The following PDE2A variants were observed in gnomAD, a reference collection of about 807,000 sequenced individuals.
The protein encoded by PDE2A is cGMP-dependent 3',5'-cyclic phosphodiesterase.
A neutral mutation model predicts 133.6 loss-of-function variants in PDE2A; 53 were observed. The ratio of observed to expected loss-of-function variants is 0.40; its 90% CI spans 0.32 to 0.50. PDE2A has a LOEUF of 0.50. Ranked by LOEUF, PDE2A falls within the 20% of genes least tolerant of loss-of-function variation. The probability of loss-of-function intolerance (pLI) is 0.73; values close to 1 mark genes in which losing one functional copy is unlikely to be tolerated. For synonymous variants in PDE2A, 491 were observed against 490.2 expected (o/e 1.00, Z -0.02); for missense variants, 796 against 1,232.4 (o/e 0.65, Z 5.30).
chr11:72,661,703 G>C (rs949375995), intron 1 of PDE2A, among the ~76,000 whole-genome samples: 2 of 152,246 alleles, frequency 1.3e-5, no homozygotes, highest in Non-Finnish European at 2.9e-5. Flanking sequence ...CCAGAGGCGA[G>C]AGACGCTGCA....
At chr11:72,643,591 T>G (rs1484099766) in intron 1 of PDE2A, 2 of 152,430 alleles carry the variant, frequency 1.3e-5, no homozygotes, top group Non-Finnish European at 2.9e-5. Context: ...GGCCCCTCTC[T>G]CTGCAGCTCC....
chr11:72,648,963 G>A (rs11604837), intron 1 of PDE2A, among the ~76,000 whole-genome samples: 18,523 of 152,128 alleles, frequency 0.12, 1,485 homozygotes, highest in South Asian at 0.23. Flanking sequence ...CCTCCTCTTC[G>A]ATGCCCACAC....
intron 6 of PDE2A, 24 bp from the exon 7 acceptor site, chr11:72,591,380 T>C (rs767148606): frequency 2.5e-6 from 4 of 1,595,896 alleles, no homozygotes; most frequent in Non-Finnish European, 3.4e-6. Flanking sequence ...AGAAGGGAAC[T>C]AGCTGTGACC....
In PDE2A at chr11:72,589,772, G is replaced by A; in HGVS notation, c.852C>T (p.Leu284=). 6 of 1,613,834 alleles carry A rather than the reference G, an allele frequency of 3.7e-6. 1 individual carries two copies. In the East Asian group the frequency reaches 6.7e-5, roughly 18 times the overall value. ...LSCKVIGDKV[L]GEEVSFPLTG... is the part of the protein sequence containing the mutation. ...TCACGGGAAAGCTGACCTCTTCCCCGAGCACTTTGTCTCCGATGACCTGAG... is the reference window on the plus strand; with the variant it reads ...TCACGGGAAAGCTGACCTCTTCCCCAAGCACTTTGTCTCCGATGACCTGAG... Residue 284 remains leucine, a synonymous_variant, in exon 11 of 31, where the codon CTC becomes CTT. Coordinates refer to ENST00000334456, the MANE Select transcript of PDE2A (RefSeq NM_002599.5).
chr11:72,630,346 C>T (rs1376379539), intron 2 of PDE2A, among the ~76,000 whole-genome samples: 1 of 152,054 alleles, frequency 6.6e-6, no homozygotes, highest in African/African-American at 2.4e-5. Context: ...GGGCGACAGA[C>T]AGCAGAGCGC....
intron 25 of PDE2A, 76 bp downstream of exon 25, chr11:72,580,498 TAGG>T (rs1384173166): frequency 1.9e-6 from 2 of 1,043,304 alleles, no homozygotes; most frequent in Non-Finnish European, 2.9e-6. Flanking sequence ...GGTTTGGGAA[TAGG>T]AGGAGCTGGG....
chr11:72,635,944 T>TC, intron 2 of PDE2A: 1 of 1,166,330 alleles, frequency 8.6e-7, no homozygotes, highest in Non-Finnish European at 1.1e-6. Context: ...ACCTTCCCGC[T>TC]CCCCCTCCAC....
At chr11:72,666,043 G>A (rs183622163) in intron 1 of PDE2A, among the ~76,000 whole-genome samples, 44 of 152,198 alleles carry the variant, frequency 2.9e-4, no homozygotes, top group Admixed American at 2.4e-3. Flanking sequence ...TGGAACAGTC[G>A]ACTTCACACG....
intron 1 of PDE2A, among the ~76,000 whole-genome samples, chr11:72,643,831 C>T (rs1264639871): frequency 6.6e-6 from 1 of 152,204 alleles, no homozygotes; most frequent in Non-Finnish European, 1.5e-5. Context: ...GCCCTCCATG[C>T]CAGCGTTTCT....
Position 72,577,549 on chromosome 11 carries a change from G to C in PDE2A, c.2661C>G (p.Arg887=), listed in dbSNP as rs769990412. ...LFPKAAELYE[R]VASNREHWTK... ...TCCAGTGCTCACGGTTGGAGGCCAC[G>C]CGCTCGTACAGCTCTGCCGCTTTGG... The change falls in exon 31 of 31, where the codon CGC becomes CGG. Residue 887 remains arginine (R), a synonymous_variant. Coordinates refer to ENST00000334456, the MANE Select transcript of PDE2A (RefSeq NM_002599.5). 1 of 1,609,648 alleles carries C rather than the reference G, an allele frequency of 6.2e-7. No individual in the cohort carries two copies. The highest frequency in any genetic ancestry group is 1.1e-5 in the South Asian group (1 of 91,084).
rs1334595305 is a variant in PDE2A, at chr11:72,618,968, A to G, written c.145-10217T>C. Among the ~76,000 whole-genome samples, 3 of 152,210 alleles carry G rather than the reference A, an allele frequency of 2.0e-5. No individual in the cohort carries two copies. In the East Asian group the frequency reaches 5.8e-4, roughly 29 times the overall value. On this transcript the variant is annotated intron_variant, in intron 2 of 30. Transcript: ENST00000334456. ...GGGCCCAGGAAGCCAGAGAACAAACATCCGGAGTCTCTGGAATCTCTCCTA... is the reference window on the plus strand; with the variant it reads ...GGGCCCAGGAAGCCAGAGAACAAACGTCCGGAGTCTCTGGAATCTCTCCTA...
chr11:72,658,326 C>A (rs1205049999), intron 1 of PDE2A: 2 of 363,530 alleles, frequency 5.5e-6, no homozygotes, highest in Non-Finnish European at 1.1e-5. Context: ...CTCCTGGCAG[C>A]CAGAAGACCA....
chr11:72,579,315 G>T lies in PDE2A; in HGVS notation c.2325C>A (p.Arg775=). The change falls in exon 27 of 31, where the codon CGC becomes CGA. Residue 775 remains arginine, a synonymous_variant. Coordinates refer to ENST00000334456, the MANE Select transcript of PDE2A (RefSeq NM_002599.5). ...CCATCTTCTGGAGGTCCTTGAAGAT[G>T]CGGAGATGGTGGGCCAGGTCTGTGG... ...ILATDLAHHL[R]IFKDLQKMAE... 6.2e-7 allele frequency: 1 copy of T among 1,613,666 alleles called. No individual in the cohort carries two copies. Among genetic ancestry groups the T allele is most frequent in the South Asian group, 1.1e-5 (1 of 91,078 alleles).
intron 1 of PDE2A, among the ~76,000 whole-genome samples, chr11:72,665,580 C>T (rs1042679919): frequency 6.6e-5 from 10 of 152,196 alleles, no homozygotes; most frequent in Non-Finnish European, 1.2e-4. Flanking sequence ...AGCTGAGGCA[C>T]GTTCTTCTCT....
intron 2 of PDE2A, among the ~76,000 whole-genome samples, chr11:72,634,313 G>T (rs1858574456): frequency 6.6e-6 from 1 of 152,196 alleles, no homozygotes; most frequent in South Asian, 2.1e-4. Context: ...CCTGCTTCTG[G>T]CCTGTGGGAA....
chr11:72,626,548 G>A (rs1337572191), intron 2 of PDE2A, among the ~76,000 whole-genome samples: 1 of 152,202 alleles, frequency 6.6e-6, no homozygotes, highest in Non-Finnish European at 1.5e-5. Flanking sequence ...GGCCCGAAAA[G>A]TGCTGCCTAC....
intron 1 of PDE2A, among the ~76,000 whole-genome samples, chr11:72,671,967 C>T (rs1814064602): frequency 6.6e-6 from 1 of 151,984 alleles, no homozygotes; most frequent in Non-Finnish European, 1.5e-5. Flanking sequence ...CTGCACTACA[C>T]CCCTGACCCC....
At chr11:72,584,829 C>T in intron 17 of PDE2A, 43 bp downstream of exon 17, 1 of 1,610,998 alleles carries the variant, frequency 6.2e-7, no homozygotes, top group East Asian at 2.2e-5. Context: ...CGGCGGACTC[C>T]CGGACACCCC....
At chr11:72,631,397 G>C (rs754979354) in intron 2 of PDE2A, among the ~76,000 whole-genome samples, 1 of 152,062 alleles carries the variant, frequency 6.6e-6, no homozygotes, top group Non-Finnish European at 1.5e-5. Flanking sequence ...GGCTCCTAAG[G>C]AGTGGAAATG....
Sources: allele counts gnomAD v4.1 joint callset (sites outside exome capture counted in the v4.1 genomes callset), GRCh38; gene constraint gnomAD v4.1.1; transcripts MANE v1.5; gene names NCBI Gene and HGNC (gene_info 2026-07-23, HGNC 2026-07-21).